ACP6: variants seen among roughly 807,000 people sequenced by gnomAD.
The protein encoded by ACP6 is lysophosphatidic acid phosphatase type 6.
Under a neutral mutation model 48.1 loss-of-function variants are expected in ACP6, and 48 were observed. That is an observed-to-expected ratio of 1.00 (90% CI 0.79 to 1.27). The LOEUF (loss-of-function observed/expected upper bound fraction) is 1.27. ACP6 is among the 50% of genes most tolerant of loss of function. ACP6 has a pLI of 0.00. For synonymous variants in ACP6, 172 were observed against 204.2 expected, an observed-to-expected ratio of 0.84 and a Z score of 1.34; for missense variants, 485 against 529.1, an observed-to-expected ratio of 0.92 and a Z score of 0.82.
chr1:147,669,569 G>C (rs1354856520), intron 1 of ACP6, among the ~76,000 whole-genome samples: 1 of 152,226 alleles, frequency 6.6e-6, no homozygotes, highest in African/African-American at 2.4e-5. Context: ...ATCCCCAGGC[G>C]ACTCCCATGC....
At chr1:147,652,748 G>C in intron 6 of ACP6, 199 bp from the exon 7 acceptor site, 1 of 712,082 alleles carries the variant, frequency 1.4e-6, no homozygotes, top group Non-Finnish European at 1.9e-6. Context: ...ATACCTGAAG[G>C]CCAGGAAAAA....
At position 147,645,791 on chromosome 1, in the gene ACP6, GAAC is replaced by G. The variant is rs1659601353; in HGVS notation, c.*1629_*1631del. The stretch of plus-strand genomic sequence containing the variant: ...TGCTATGAAGGGGAGAAGGAAAAGA[GAAC>G]AGCAGTTCAAAGATGCAGAGAAAAA... On this transcript the variant is annotated 3_prime_UTR_variant, in exon 10 of 10. Coordinates refer to ENST00000583509, the MANE Select transcript of ACP6 (RefSeq NM_016361.5). 1 of 152,128 alleles carries G rather than the reference GAAC, an allele frequency of 6.6e-6. No individual in the cohort carries two copies. Among genetic ancestry groups the G allele is most frequent in the Non-Finnish European group, 1.5e-5 (1 of 68,034 alleles). 9.4% of individuals were successfully genotyped at this position (152,128 alleles called of 1,614,324 possible).
rs782805660 is a variant in ACP6, at chr1:147,650,234, T to C, written c.886A>G (p.Ser296Gly). Reference protein sequence around the residue: ...LYILPKEDRESLQMAVGPFLH... With the variant: ...LYILPKEDREGLQMAVGPFLH... The stretch of plus-strand genomic sequence containing the variant: ...AATGGGCCTACTGCCATCTGAAGAC[T>C]TTCCCTGTGAAAAGTGAACAACATT... The change falls in exon 8 of 10, where the codon AGT (serine) becomes GGT (glycine). Residue 296 changes from serine to glycine, a missense_variant. Transcript: ENST00000583509. 8 of 1,597,708 alleles carry C rather than the reference T, an allele frequency of 5.0e-6. No homozygotes were observed. Among genetic ancestry groups the C allele is most frequent in the Non-Finnish European group, 6.0e-6 (7 of 1,173,940 alleles).
intron 6 of ACP6, among the ~76,000 whole-genome samples, chr1:147,653,649 G>A (rs147563909): frequency 6.6e-6 from 1 of 152,216 alleles, no homozygotes; most frequent in Admixed American, 6.5e-5. Context: ...ACAAGAGTGG[G>A]GAGGATCCTA....
chr1:147,669,216 A>G (rs1335409956), intron 1 of ACP6, among the ~76,000 whole-genome samples: 1 of 152,026 alleles, frequency 6.6e-6, no homozygotes, highest in Non-Finnish European at 1.5e-5. Flanking sequence ...CCCTCCCACT[A>G]TAGGTTTAGT....
At chr1:147,656,674 T>G (rs1328857580) in intron 4 of ACP6, among the ~76,000 whole-genome samples, 1 of 152,206 alleles carries the variant, frequency 6.6e-6, no homozygotes, top group Admixed American at 6.5e-5. Flanking sequence ...TTCTCTTATC[T>G]GTAAAAGGGG....
intron 1 of ACP6, among the ~76,000 whole-genome samples, chr1:147,668,021 A>C (rs1416422681): frequency 6.6e-6 from 1 of 152,098 alleles, no homozygotes; most frequent in Non-Finnish European, 1.5e-5. Flanking sequence ...ACCTCTATCA[A>C]ATTGGATCTT....
intron 1 of ACP6, among the ~76,000 whole-genome samples, chr1:147,664,711 C>G (rs587754380): frequency 6.6e-6 from 1 of 152,064 alleles, no homozygotes; most frequent in East Asian, 1.9e-4. Context: ...AAAACTTGAC[C>G]CTGCCTTTCC....
rs1553210697 is a variant in ACP6 at position 147,652,429 on chromosome 1, C to T, written c.881+20G>A. The T allele has an allele frequency of 1.9e-6, 3 of 1,602,648 alleles. No individual in the cohort carries two copies. Among genetic ancestry groups the T allele is most frequent in the Non-Finnish European group, 2.6e-6 (3 of 1,174,046 alleles). On this transcript the variant is annotated intron_variant, in intron 7 of 9. Coordinates refer to ENST00000583509, the MANE Select transcript of ACP6 (RefSeq NM_016361.5). ...TGTCTGACCAAGCGTGACTTCATGC[C>T]AGCAGTGAGAGCCCCTCACCTGTCT...
rs1659848488 is a variant in ACP6, at chr1:147,650,253, C to A, written c.882-15G>T. 1.3e-6 allele frequency: 2 copies of A among 1,585,668 alleles called. No homozygotes were observed. The highest frequency in any genetic ancestry group is 8.6e-7 in the Non-Finnish European group (1 of 1,165,922). ...GAAGACTTTCCCTGTGAAAAGTGAA[C>A]AACATTTAAGCACCTAGAGGGCACT... is the stretch of plus-strand genomic sequence containing the variant. On this transcript the variant is annotated splice_polypyrimidine_tract_variant and intron_variant, in intron 7 of 9. Coordinates refer to ENST00000583509, the MANE Select transcript of ACP6 (RefSeq NM_016361.5).
downstream of ACP6, among the ~76,000 whole-genome samples, chr1:147,639,195 G>A (rs1305288803): frequency 6.6e-6 from 1 of 152,176 alleles, no homozygotes; most frequent in Non-Finnish European, 1.5e-5. Context: ...TCTCCATGGT[G>A]CTATATGACC....
rs1553209037 is a variant in ACP6, at chr1:147,643,194, T to C, written c.*4229A>G. 1 of 152,236 alleles carries C rather than the reference T, an allele frequency of 6.6e-6. No homozygotes were observed. Among genetic ancestry groups the C allele is most frequent in the African/African-American group, 2.4e-5 (1 of 41,454 alleles). The allele number at this position is 152,236 out of a possible 1,614,324, so 9.4% of individuals were successfully genotyped here. A position where few individuals can be genotyped will look rare whatever the true frequency, so the allele number is the denominator to read the frequency against. ...ACATCATTGATAGGTTCTTGGAAAC[T>C]GTAGCTTTAAGTAAAACAACATATT... On this transcript the variant is annotated 3_prime_UTR_variant, in exon 10 of 10. Coordinates refer to ENST00000583509, the MANE Select transcript of ACP6 (RefSeq NM_016361.5).
intron 5 of ACP6, among the ~76,000 whole-genome samples, chr1:147,635,640 A>C (rs1659277730): frequency 6.6e-6 from 1 of 152,158 alleles, no homozygotes; most frequent in Non-Finnish European, 1.5e-5. Context: ...AGTGGTGTCT[A>C]TGTGTGGACA....
At chr1:147,633,466 T>C (rs2101638452) in intron 5 of ACP6, among the ~76,000 whole-genome samples, 1 of 151,812 alleles carries the variant, frequency 6.6e-6, no homozygotes, top group Admixed American at 6.6e-5. Flanking sequence ...GACTATTACT[T>C]TCTTTTATCT....
At chr1:147,666,249 A>G (rs1176679621) in intron 1 of ACP6, among the ~76,000 whole-genome samples, 1 of 152,212 alleles carries the variant, frequency 6.6e-6, no homozygotes, top group Non-Finnish European at 1.5e-5. Context: ...GCTAACAGAC[A>G]AATTCCTCCC....
chr1:147,648,774 G>C (rs1446398346), intron 8 of ACP6, among the ~76,000 whole-genome samples: 1 of 152,178 alleles, frequency 6.6e-6, no homozygotes, highest in Non-Finnish European at 1.5e-5. Flanking sequence ...TCAGCCATGG[G>C]ATGAGTTTAG....
In ACP6 at chr1:147,659,795, A is replaced by T. The variant is rs374249313; in HGVS notation, c.220-20T>A. ...CTCTACCTGTTAGTACAAAAAAAAC[A>T]CACCACATTGTTTAAAAATGGTTCT... On this transcript the variant is annotated intron_variant, in intron 1 of 9. Transcript: ENST00000583509. 40 of 1,611,496 alleles carry T rather than the reference A, an allele frequency of 2.5e-5. No individual in the cohort carries two copies. The highest frequency in any genetic ancestry group is 4.2e-6 in the Non-Finnish European group (5 of 1,179,594).
At chr1:147,651,209 G>C (rs1455382035) in intron 7 of ACP6, 1 of 152,224 alleles carries the variant, frequency 6.6e-6, no homozygotes, top group African/African-American at 2.4e-5. Flanking sequence ...AGCCAAGTTG[G>C]ATGGCCTTGT....
intron 3 of ACP6, 94 bp from the exon 4 acceptor site, chr1:147,659,133 G>T: frequency 8.2e-7 from 1 of 1,218,988 alleles, no homozygotes; most frequent in Non-Finnish European, 1.1e-6. Context: ...GGTCTTTCAA[G>T]AGTACATAAG....
Sources: gnomAD v4.1 joint callset for allele counts (sites outside exome capture counted in the v4.1 genomes callset) on GRCh38, gnomAD v4.1.1 for gene constraint, MANE v1.5 for transcripts, NCBI Gene and HGNC (gene_info 2026-07-23, HGNC 2026-07-21) for gene names.